The following SPTBN1 variants were observed in gnomAD, a reference collection of about 807,000 sequenced individuals.
SPTBN1 encodes the protein spectrin beta, non-erythrocytic 1.
SPTBN1 carries 32 observed loss-of-function variants against 266.4 expected under a neutral mutation model. That is an observed-to-expected ratio of 0.12 (90% confidence interval 0.09 to 0.16). The LOEUF (loss-of-function observed/expected upper bound fraction) is 0.16, where lower values mean the gene tolerates loss of function less well. Ranked by LOEUF, SPTBN1 falls within the 10% of genes least tolerant of loss-of-function variation. SPTBN1 has a pLI of 1.00. For missense variants in SPTBN1, 2,296 were observed against 3,067.1 expected, an observed-to-expected ratio of 0.75 and a Z score of 5.94; for synonymous variants, 1,336 against 1,162.2, an observed-to-expected ratio of 1.15 and a Z score of -3.04.
chr2:54,460,180 G>A (rs1271481064), intron 1 of SPTBN1, among the ~76,000 whole-genome samples: 3 of 152,340 alleles, frequency 2.0e-5, no homozygotes, highest in African/African-American at 7.2e-5. Flanking sequence ...AGACCTTTAA[G>A]TGAGTTGTAT....
intron 18 of SPTBN1, 56 bp from the exon 19 acceptor site, chr2:54,642,927 G>T (rs1679673591): frequency 1.3e-6 from 2 of 1,580,678 alleles, no homozygotes; most frequent in South Asian, 2.3e-5. Context: ...TTTCCAGGCG[G>T]AAAAAAGGCT....
Position 54,533,402 on chromosome 2 carries a change from C to CATTTGACT in SPTBN1, c.148+6837_148+6844dup, listed in dbSNP as rs1671389894. Reference sequence around the variant, plus strand: ...TGTGTGTGTGTGTGTGTGTCTAAACCATTTGACTTCTAGTGAACGAACAGA... The same window carrying CATTTGACT: ...TGTGTGTGTGTGTGTGTGTCTAAACCATTTGACTATTTGACTTCTAGTGAACGAACAGA... On this transcript the variant is annotated intron_variant, in intron 2 of 35. Coordinates refer to ENST00000356805, the MANE Select transcript of SPTBN1 (RefSeq NM_003128.3). The surrounding 1 kb of genome is among the most constrained non-coding windows in gnomAD (Gnocchi z 4.2). Among the ~76,000 whole-genome samples the CATTTGACT allele has an allele frequency of 6.9e-6, 1 of 144,036 alleles. No homozygotes were observed. Among genetic ancestry groups the CATTTGACT allele is most frequent in the South Asian group, 2.2e-4 (1 of 4,512 alleles). 94.5% of individuals were successfully genotyped at this position (144,036 alleles called of 152,430 possible).
intron 3 of SPTBN1, among the ~76,000 whole-genome samples, chr2:54,611,547 A>T (rs147467415): frequency 6.6e-6 from 1 of 152,234 alleles, no homozygotes; most frequent in East Asian, 1.9e-4. Context: ...ACGTTTTGAT[A>T]AAACTGGGTA....
At position 54,628,321 on chromosome 2, in the gene SPTBN1, C is replaced by T; in HGVS notation, c.1798+71C>T. The T allele has an allele frequency of 1.3e-6, 2 of 1,482,476 alleles. No individual in the cohort carries two copies. Among genetic ancestry groups the T allele is most frequent in the Non-Finnish European group, 1.8e-6 (2 of 1,114,118 alleles). 91.8% of individuals were successfully genotyped at this position (1,482,476 alleles called of 1,614,324 possible). On this transcript the variant is annotated intron_variant, in intron 13 of 35. Coordinates refer to ENST00000356805, the MANE Select transcript of SPTBN1 (RefSeq NM_003128.3). This position sits in a 1 kb window ranked among gnomAD's most constrained non-coding sequence, Gnocchi z 4.3. The stretch of plus-strand genomic sequence containing the variant: ...TCATATTTATAGAAACACAGTGGGG[C>T]TTTTGAAGTTACTGTGCCACTATAC...
intron 4 of SPTBN1, 111 bp downstream of exon 4, chr2:54,612,445 A>T: frequency 1.6e-6 from 2 of 1,265,416 alleles, no homozygotes; most frequent in Non-Finnish European, 2.1e-6. Context: ...CCAGGTTGAA[A>T]GCATGTCTCA....
chr2:54,485,918 C>T (rs1488232266), intron 1 of SPTBN1, among the ~76,000 whole-genome samples: 29 of 151,050 alleles, frequency 1.9e-4, no homozygotes, highest in Admixed American at 5.2e-4. Context: ...TCTGCCCGGC[C>T]GCCCCGTCTG....
Position 54,668,672 on chromosome 2 carries a change from T to G in SPTBN1, c.*103T>G, listed in dbSNP as rs1681547295. 3 of 946,998 alleles carry G rather than the reference T, an allele frequency of 3.2e-6. No individual in the cohort carries two copies. The highest frequency in any genetic ancestry group is 4.4e-6 in the Non-Finnish European group (3 of 683,414). The allele number at this position is 946,998 out of a possible 1,614,324, so 58.7% of individuals were successfully genotyped here. Reference sequence around the variant, plus strand: ...ACTCTCTGTGCCTAATGTTCCTCAATGTGGTTGATTTTTTTTTTTTTTTAA... The same window carrying G: ...ACTCTCTGTGCCTAATGTTCCTCAAGGTGGTTGATTTTTTTTTTTTTTTAA... On this transcript the variant is annotated 3_prime_UTR_variant, in exon 36 of 36. Transcript: ENST00000356805.
At chr2:54,667,715 T>TCTGA in intron 35 of SPTBN1, 69 bp downstream of exon 35, 1 of 1,395,698 alleles carries the variant, frequency 7.2e-7, no homozygotes, top group Non-Finnish European at 1.0e-6. Context: ...TGATGGGCTT[T>TCTGA]ATTCAGAAAG....
chr2:54,577,912 A>G (rs908928187), intron 2 of SPTBN1, among the ~76,000 whole-genome samples: 3 of 142,282 alleles, frequency 2.1e-5, no homozygotes, highest in Non-Finnish European at 3.0e-5. Flanking sequence ...CCTTTTTTCA[A>G]TCTTAAAGGA....
chr2:54,650,646 CTTG>C (rs1170383306), intron 26 of SPTBN1, among the ~76,000 whole-genome samples: 1 of 152,086 alleles, frequency 6.6e-6, no homozygotes, highest in Non-Finnish European at 1.5e-5. Flanking sequence ...GTCAAGGGTT[CTTG>C]TTGTTAAGAG....
At chr2:54,569,146 G>A (rs112574855) in intron 2 of SPTBN1, among the ~76,000 whole-genome samples, 44 of 152,268 alleles carry the variant, frequency 2.9e-4, no homozygotes, top group Middle Eastern at 6.8e-3. Context: ...CTTGTTGGCC[G>A]GAAGTTTTTA....
intron 1 of SPTBN1, among the ~76,000 whole-genome samples, chr2:54,489,320 C>CA (rs201451946): frequency 0.025 from 2,793 of 110,318 alleles, 23 homozygotes; most frequent in East Asian, 0.039. Context: ...GACCCTGTCT[C>CA]AAAAAAAAAA....
Position 54,521,534 on chromosome 2 carries a change from A to G in SPTBN1, c.-47-4838A>G, listed in dbSNP as rs75119783. ...AACTCAGAGCATTGCTTTTTTTTTG[A>G]GACGAGGCTCACTCTGTTGTTTGGG... On this transcript the variant is annotated intron_variant, in intron 1 of 35. Transcript: ENST00000356805. Among the ~76,000 whole-genome samples the G allele has an allele frequency of 3.7e-4, 57 of 152,098 alleles. No homozygotes were observed. In the East Asian group the frequency reaches 0.011, roughly 29 times the overall value.
At chr2:54,481,438 GTGTTT>G (rs1162682040) in intron 1 of SPTBN1, among the ~76,000 whole-genome samples, 2 of 76,926 alleles carry the variant, frequency 2.6e-5, no homozygotes, top group Non-Finnish European at 5.0e-5. Context: ...GTGTGTGTGT[GTGTTT>G]TGTTTTGTTT....
chr2:54,480,084 CTT>C (rs200254234), intron 1 of SPTBN1, among the ~76,000 whole-genome samples: 1 of 152,142 alleles, frequency 6.6e-6, no homozygotes, highest in Non-Finnish European at 1.5e-5. Context: ...GTAAAATTGA[CTT>C]TTACTTTTTC....
At chr2:54,481,366 G>A (rs1668087626) in intron 1 of SPTBN1, among the ~76,000 whole-genome samples, 1 of 150,108 alleles carries the variant, frequency 6.7e-6, no homozygotes, top group Admixed American at 6.6e-5. Flanking sequence ...ATGCTGATTG[G>A]AAGATTAGAG....
At position 54,618,527 on chromosome 2, in the gene SPTBN1, T is replaced by G. The variant is rs553558743; in HGVS notation, c.763+334T>G. On this transcript the variant is annotated intron_variant, in intron 7 of 35. Transcript: ENST00000356805. Reference sequence around the variant, plus strand: ...AGGGTAATAGCAGGGAATACCACTATTCCCTTCTGTTAGTGGATGGGATCC... The same window carrying G: ...AGGGTAATAGCAGGGAATACCACTAGTCCCTTCTGTTAGTGGATGGGATCC... Among the ~76,000 whole-genome samples, 5 of 152,354 alleles carry G rather than the reference T, an allele frequency of 3.3e-5. No individual in the cohort carries two copies. In the South Asian group the frequency reaches 1.0e-3, roughly 32 times the overall value.
chr2:54,561,229 T>C (rs1395879610), intron 2 of SPTBN1, among the ~76,000 whole-genome samples: 1 of 152,194 alleles, frequency 6.6e-6, no homozygotes, highest in Non-Finnish European at 1.5e-5. Context: ...AACAGCAGCC[T>C]TGAAGTCCTG....
At chr2:54,514,576 G>C (rs1670016861) in intron 1 of SPTBN1, among the ~76,000 whole-genome samples, 1 of 152,210 alleles carries the variant, frequency 6.6e-6, no homozygotes, top group South Asian at 2.1e-4. Context: ...AATCTTCACT[G>C]CTCCCCTAAA....
Sources: allele counts gnomAD v4.1 joint callset (sites outside exome capture counted in the v4.1 genomes callset), GRCh38; gene constraint gnomAD v4.1.1; non-coding constraint Gnocchi (gnomAD v3.1); transcripts MANE v1.5; gene names NCBI Gene and HGNC (gene_info 2026-07-23, HGNC 2026-07-21).